FBXL19: variants seen among roughly 807,000 people sequenced by gnomAD.
FBXL19 encodes the protein F-box and leucine rich repeat protein 19, also known as F-box/LRR-repeat protein 19.
FBXL19 carries 16 observed loss-of-function variants against 71.2 expected under a neutral mutation model. The observed-to-expected ratio is 0.22, with a 90% CI of 0.15 to 0.34. The LOEUF is 0.34. Among genes scored for constraint, FBXL19 ranks in the 10% least tolerant of loss-of-function variants. The pLI is 1.00. For missense variants in FBXL19, 658 were observed against 968.2 expected (o/e 0.68, Z 4.25); for synonymous variants, 447 against 409.4 (o/e 1.09, Z -1.11).
At chr16:30,926,639 G>C (rs2055595350) in intron 2 of FBXL19, among the ~76,000 whole-genome samples, 1 of 151,932 alleles carries the variant, frequency 6.6e-6, no homozygotes. Flanking sequence ...TTCCTGGTTG[G>C]TCTCTTCACC....
upstream of FBXL19, chr16:30,922,966 C>T (rs1439629813): frequency 2.3e-6 from 1 of 437,768 alleles, no homozygotes; most frequent in Non-Finnish European, 4.7e-6. Flanking sequence ...TTCCGCCATT[C>T]TTAAGGAACA....
Position 30,946,546 on chromosome 16 carries a change from G to A in FBXL19, c.1628-184G>A, listed in dbSNP as rs575566584. Among the ~76,000 whole-genome samples the A allele has an allele frequency of 2.0e-5, 3 of 152,308 alleles. No homozygotes were observed. Among genetic ancestry groups the A allele is most frequent in the East Asian group, 3.9e-4 (2 of 5,176 alleles). On this transcript the variant is annotated intron_variant, in intron 9 of 10. Coordinates refer to ENST00000338343, the MANE Select transcript of FBXL19 (RefSeq NM_001382779.1). This position sits in a 1 kb window ranked among gnomAD's most constrained non-coding sequence, Gnocchi z 6.7. ...AATACAATAATCATGGAAGGCCTCC[G>A]AGGAGGTGATGTGAGGAGTGGACAG...
At chr16:30,929,778 T>G (rs2055647518) in intron 6 of FBXL19, among the ~76,000 whole-genome samples, 1 of 152,152 alleles carries the variant, frequency 6.6e-6, no homozygotes. Flanking sequence ...ATGGTCTCGA[T>G]CTCTTGACCT....
At chr16:30,934,447 C>T (rs1439995814) in intron 7 of FBXL19, among the ~76,000 whole-genome samples, 3 of 151,988 alleles carry the variant, frequency 2.0e-5, no homozygotes, top group Non-Finnish European at 4.4e-5. Flanking sequence ...CACCTGAGGT[C>T]AGGAGTTTGA....
At position 30,946,432 on chromosome 16, in the gene FBXL19, T is replaced by C. The variant is rs530290532; in HGVS notation, c.1628-298T>C. 6.6e-6 allele frequency among the ~76,000 whole-genome samples: 1 copy of C among 152,234 alleles called. No individual in the cohort carries two copies. ...TTAGGCCAGGCTAGTCTCGAACTCCTGACCTCAAGTGAGCCGCCTGCCTCG... is the reference window on the plus strand; with the variant it reads ...TTAGGCCAGGCTAGTCTCGAACTCCCGACCTCAAGTGAGCCGCCTGCCTCG... On this transcript the variant is annotated intron_variant, in intron 9 of 10. Transcript: ENST00000338343. This position sits in a 1 kb window ranked among gnomAD's most constrained non-coding sequence, Gnocchi z 6.7.
Position 30,930,192 on chromosome 16 carries a change from C to G in FBXL19, c.909C>G (p.Thr303=). 1 of 1,613,238 alleles carries G rather than the reference C, an allele frequency of 6.2e-7. No individual in the cohort carries two copies. The highest frequency in any genetic ancestry group is 8.5e-7 in the Non-Finnish European group (1 of 1,179,876). Residue 303 remains threonine, a synonymous_variant, in exon 7 of 11, where the codon ACC becomes ACG. Coordinates refer to ENST00000338343, the MANE Select transcript of FBXL19 (RefSeq NM_001382779.1). The surrounding 1 kb of genome is among the most constrained non-coding windows in gnomAD (Gnocchi z 8.5). ...MCQLLERVPD[T]SSSSSDSDSD... ...AGCTGCTGGAACGGGTGCCTGACACCTCCTCTTCCTCCTCGGACTCAGACT... is the reference window on the plus strand; with the variant it reads ...AGCTGCTGGAACGGGTGCCTGACACGTCCTCTTCCTCCTCGGACTCAGACT...
chr16:30,931,104 C>G (rs1311745291), intron 7 of FBXL19, among the ~76,000 whole-genome samples: 4 of 152,124 alleles, frequency 2.6e-5, no homozygotes, highest in Admixed American at 1.3e-4. Flanking sequence ...TGACTCGGTT[C>G]CTGCTTTCCT....
intron 9 of FBXL19, among the ~76,000 whole-genome samples, chr16:30,944,212 TTTTTAAC>T (rs1008339487): frequency 4.0e-5 from 6 of 150,738 alleles, no homozygotes; most frequent in African/African-American, 1.2e-4. Context: ...TTAAATTTTT[TTTTTAAC>T]TTTTAAGTTC....
At position 30,930,514 on chromosome 16, in the gene FBXL19, C is replaced by T. The variant is rs1373318151; in HGVS notation, c.1231C>T (p.Arg411Cys). The T allele has an allele frequency of 7.2e-6, 11 of 1,525,850 alleles. No individual in the cohort carries two copies. Among genetic ancestry groups the T allele is most frequent in the East Asian group, 2.5e-5 (1 of 40,138 alleles). The allele number at this position is 1,525,850 out of a possible 1,614,324, so 94.5% of individuals were successfully genotyped here. The part of the protein sequence containing the change: ...DHPLPRAAWL[R>C]VFQHLGPREL... ...CCCCCTGCCCCGGGCCGCCTGGCTT[C>T]GCGTCTTCCAGCACCTCGGGCCGCG... The change falls in exon 7 of 11, where the codon CGC (arginine) becomes TGC (cysteine). Residue 411 changes from arginine to cysteine, a missense_variant. Arg to Cys is a radical substitution (Grantham distance 180). Around this residue, in one of 8 missense-constraint regions of FBXL19, gnomAD observed 447 missense variants for 515.4 expected, o/e 0.87. Coordinates refer to ENST00000338343, the MANE Select transcript of FBXL19 (RefSeq NM_001382779.1). This position sits in a 1 kb window ranked among gnomAD's most constrained non-coding sequence, Gnocchi z 8.5.
chr16:30,946,744 C>A lies in FBXL19; in HGVS notation c.1642C>A (p.Arg548Ser). 6.2e-7 allele frequency: 1 copy of A among 1,612,842 alleles called. No individual in the cohort carries two copies. Among genetic ancestry groups the A allele is most frequent in the East Asian group, 2.2e-5 (1 of 44,850 alleles). The change falls in exon 10 of 11, where the codon CGT becomes AGT. Residue 548 changes from arginine (R) to serine (S), a missense_variant. By Grantham distance (110) the Arg-to-Ser change is moderately radical (BLOSUM62 -1). Transcript: ENST00000338343. The surrounding 1 kb of genome is among the most constrained non-coding windows in gnomAD (Gnocchi z 6.7). ...PDTKPGQTES[R>S]GRLQGVAELR... ...TGGCTGCCCAGGGCAAACAGAGAGCCGTGGTCGGCTGCAGGGGGTGGCAGA... is the reference window on the plus strand; with the variant it reads ...TGGCTGCCCAGGGCAAACAGAGAGCAGTGGTCGGCTGCAGGGGGTGGCAGA...
Position 30,925,946 on chromosome 16 carries a change from C to G in FBXL19, c.177+15C>G. On this transcript the variant is annotated intron_variant, in intron 2 of 10. Coordinates refer to ENST00000338343, the MANE Select transcript of FBXL19 (RefSeq NM_001382779.1). This position sits in a 1 kb window ranked among gnomAD's most constrained non-coding sequence, Gnocchi z 5.0. ...AGTGCACTGCCGTGAGTTCTGCCCCCACCTTTGGGCTCTGCCCACCCTTCC... is the reference window on the plus strand; with the variant it reads ...AGTGCACTGCCGTGAGTTCTGCCCCGACCTTTGGGCTCTGCCCACCCTTCC... 1.4e-6 allele frequency: 2 copies of G among 1,472,312 alleles called. No individual in the cohort carries two copies. Among genetic ancestry groups the G allele is most frequent in the Non-Finnish European group, 1.8e-6 (2 of 1,115,882 alleles). 91.2% of individuals were successfully genotyped at this position (1,472,312 alleles called of 1,614,324 possible). A position where few individuals can be genotyped will look rare whatever the true frequency, so the allele number is the denominator to read the frequency against.
At chr16:30,936,955 C>A (rs545409195) in intron 7 of FBXL19, among the ~76,000 whole-genome samples, 5 of 151,156 alleles carry the variant, frequency 3.3e-5, no homozygotes, top group Admixed American at 2.0e-4. Context: ...GTTGGCCAGG[C>A]TGGTCTTGAA....
chr16:30,932,363 A>G (rs2055684916), intron 7 of FBXL19, among the ~76,000 whole-genome samples: 1 of 152,208 alleles, frequency 6.6e-6, no homozygotes, highest in Admixed American at 6.5e-5. Flanking sequence ...CACCTGCCTC[A>G]TGTACTAATC....
intron 7 of FBXL19, among the ~76,000 whole-genome samples, chr16:30,933,805 TGCAATGGCATGATCTCGGCTC>T (rs1417282451): frequency 6.7e-6 from 1 of 148,372 alleles, no homozygotes; most frequent in African/African-American, 2.5e-5. Flanking sequence ...CAGGCTGGAG[TGCAATGGCATGATCTCGGCTC>T]GCCACAACCT....
In FBXL19 at chr16:30,930,503, C is replaced by G; in HGVS notation, c.1220C>G (p.Ala407Gly). The G allele has an allele frequency of 3.3e-6, 5 of 1,530,422 alleles. No individual in the cohort carries two copies. The highest frequency in any genetic ancestry group is 4.4e-6 in the Non-Finnish European group (5 of 1,144,552). 94.8% of individuals were successfully genotyped at this position (1,530,422 alleles called of 1,614,324 possible). ...GGATCCGACCACCCCCTGCCCCGGGCCGCCTGGCTTCGCGTCTTCCAGCAC... is the reference window on the plus strand; with the variant it reads ...GGATCCGACCACCCCCTGCCCCGGGGCGCCTGGCTTCGCGTCTTCCAGCAC... The part of the protein sequence containing the change: ...AAGSDHPLPR[A>G]AWLRVFQHLG... Residue 407 changes from alanine to glycine, a missense_variant, in exon 7 of 11, where the codon GCC (alanine) becomes GGC (glycine). Transcript: ENST00000338343. This position sits in a 1 kb window ranked among gnomAD's most constrained non-coding sequence, Gnocchi z 8.5.
chr16:30,928,540 G>C lies in FBXL19; in HGVS notation c.701G>C (p.Gly234Ala). 6.2e-7 allele frequency: 1 copy of C among 1,608,218 alleles called. No individual in the cohort carries two copies. Among genetic ancestry groups the C allele is most frequent in the Non-Finnish European group, 8.5e-7 (1 of 1,177,286 alleles). Residue 234 changes from glycine (G) to alanine (A), a missense_variant, in exon 6 of 11, where the codon GGC becomes GCC. Gly to Ala is a moderately conservative substitution (Grantham distance 60, BLOSUM62 0). Coordinates refer to ENST00000338343, the MANE Select transcript of FBXL19 (RefSeq NM_001382779.1). ...DACLLRGSDP[G>A]GPGLLPPRVL... ...TGCCTCCTCCGAGGATCGGACCCAGGCGGCCCGGGCCTGCTGCCCCCCAGG... is the reference window on the plus strand; with the variant it reads ...TGCCTCCTCCGAGGATCGGACCCAGCCGGCCCGGGCCTGCTGCCCCCCAGG...
chr16:30,933,941 G>A (rs2055702994), intron 7 of FBXL19, among the ~76,000 whole-genome samples: 1 of 151,372 alleles, frequency 6.6e-6, no homozygotes, highest in Non-Finnish European at 1.5e-5. Context: ...TAGTAAAAAC[G>A]GGGGTTTCTC....
At position 30,928,414 on chromosome 16, in the gene FBXL19, G is replaced by A. The variant is rs2055628848; in HGVS notation, c.628-53G>A. On this transcript the variant is annotated intron_variant, in intron 5 of 10. Coordinates refer to ENST00000338343, the MANE Select transcript of FBXL19 (RefSeq NM_001382779.1). ...CATGGACCTTAGATTTCTGGCCCAT[G>A]AGGGCCTAATGGGGTCTCTCCCTTC... The A allele has an allele frequency of 3.4e-6, 5 of 1,469,120 alleles. No individual in the cohort carries two copies. The East Asian group carries it at 7.7e-5, about 23-fold the overall frequency. 91.0% of individuals were successfully genotyped at this position (1,469,120 alleles called of 1,614,324 possible). A position where few individuals can be genotyped will look rare whatever the true frequency, so the allele number is the denominator to read the frequency against.
intron 7 of FBXL19, among the ~76,000 whole-genome samples, chr16:30,939,461 T>C (rs2055776581): frequency 6.7e-6 from 1 of 149,884 alleles, no homozygotes. Context: ...TCGCCCAGGC[T>C]GGAGTGCAGT....
Sources: allele counts gnomAD v4.1 joint callset (sites outside exome capture counted in the v4.1 genomes callset), GRCh38; gene constraint gnomAD v4.1.1; regional missense constraint gnomAD v4.1.1; non-coding constraint Gnocchi (gnomAD v3.1); transcripts MANE v1.5; gene names NCBI Gene and HGNC (gene_info 2026-07-23, HGNC 2026-07-21).